The following PCED1B variants were observed in gnomAD, a reference collection of about 807,000 sequenced individuals.
The protein encoded by PCED1B is PC-esterase domain containing 1B, also known as PC-esterase domain-containing protein 1B.
For missense variants in PCED1B, 573 were observed against 573.9 expected (o/e 1.00, Z 0.02); for synonymous variants, 251 against 246.1 (o/e 1.02, Z -0.19).
intron 2 of PCED1B, among the ~76,000 whole-genome samples, chr12:47,148,346 G>T (rs555208588): frequency 1.3e-5 from 2 of 152,266 alleles, no homozygotes; most frequent in Admixed American, 1.3e-4. Context: ...ATCAAATTAT[G>T]ACACTCAGAA....
At chr12:47,084,451 A>G (rs1937886437) in intron 1 of PCED1B, among the ~76,000 whole-genome samples, 1 of 152,240 alleles carries the variant, frequency 6.6e-6, no homozygotes, top group Non-Finnish European at 1.5e-5. Flanking sequence ...TCCTATGCCC[A>G]TTAAGCAGTT....
At chr12:47,176,516 A>C (rs1941928866) in intron 2 of PCED1B, among the ~76,000 whole-genome samples, 1 of 152,226 alleles carries the variant, frequency 6.6e-6, no homozygotes, top group South Asian at 2.1e-4. Context: ...GGAGGGTGGC[A>C]TGACCACGCC....
At chr12:47,196,948 T>C (rs945022777) in intron 2 of PCED1B, among the ~76,000 whole-genome samples, 14 of 151,776 alleles carry the variant, frequency 9.2e-5, no homozygotes, top group Non-Finnish European at 1.9e-4. Context: ...AAAGTGTTAA[T>C]ACACTTAATA....
intron 2 of PCED1B, among the ~76,000 whole-genome samples, chr12:47,110,402 CAATT>C (rs1420198022): frequency 2.0e-5 from 3 of 152,120 alleles, no homozygotes; most frequent in Admixed American, 6.5e-5. Context: ...TTCAGCCAAT[CAATT>C]AATTATGAAT....
chr12:47,093,247 A>G (rs1235575785), intron 1 of PCED1B, among the ~76,000 whole-genome samples: 5 of 151,928 alleles, frequency 3.3e-5, no homozygotes, highest in Non-Finnish European at 5.9e-5. Flanking sequence ...TATTTCATCC[A>G]AATTGTCAAA....
At chr12:47,161,408 C>A (rs1411650930) in intron 2 of PCED1B, among the ~76,000 whole-genome samples, 1 of 152,120 alleles carries the variant, frequency 6.6e-6, no homozygotes, top group Non-Finnish European at 1.5e-5. Context: ...TTTCTGGGCT[C>A]TCTCTTTTAT....
At chr12:47,124,588 C>T (rs760890462) in intron 2 of PCED1B, among the ~76,000 whole-genome samples, 3 of 150,606 alleles carry the variant, frequency 2.0e-5, no homozygotes, top group African/African-American at 4.9e-5. Context: ...AAGATAAGTA[C>T]GAGTGGAATG....
At chr12:47,112,194 C>T (rs1212182894) in intron 2 of PCED1B, among the ~76,000 whole-genome samples, 4 of 152,202 alleles carry the variant, frequency 2.6e-5, no homozygotes, top group African/African-American at 9.6e-5. Context: ...GCCAATACTG[C>T]ACCAAGCACA....
At chr12:47,116,485 A>G (rs1939427258) in intron 2 of PCED1B, among the ~76,000 whole-genome samples, 1 of 152,216 alleles carries the variant, frequency 6.6e-6, no homozygotes, top group Non-Finnish European at 1.5e-5. Flanking sequence ...CACAAAATTG[A>G]ACATTTTATT....
intron 2 of PCED1B, among the ~76,000 whole-genome samples, chr12:47,106,414 G>A (rs542088988): frequency 4.6e-5 from 7 of 152,152 alleles, no homozygotes; most frequent in East Asian, 1.9e-4. Flanking sequence ...CTAGGGGTGC[G>A]AGTTGCGTAA....
intron 2 of PCED1B, among the ~76,000 whole-genome samples, chr12:47,215,399 G>A (rs1943224764): frequency 6.6e-6 from 1 of 151,804 alleles, no homozygotes; most frequent in African/African-American, 2.4e-5. Context: ...GATTACAGGG[G>A]CCCACCACCA....
At chr12:47,135,079 A>G (rs1416858419) in intron 2 of PCED1B, among the ~76,000 whole-genome samples, 1 of 152,112 alleles carries the variant, frequency 6.6e-6, no homozygotes, top group Non-Finnish European at 1.5e-5. Context: ...TATTTCACCA[A>G]TCTCTACTGA....
intron 2 of PCED1B, among the ~76,000 whole-genome samples, chr12:47,127,659 C>T (rs892639939): frequency 5.3e-5 from 8 of 151,986 alleles, no homozygotes; most frequent in Admixed American, 2.0e-4. Context: ...CCACCACACC[C>T]GGCCTCTGCT....
chr12:47,220,153 T>G (rs2137827688), intron 3 of PCED1B, among the ~76,000 whole-genome samples: 1 of 152,134 alleles, frequency 6.6e-6, no homozygotes, highest in East Asian at 1.9e-4. Context: ...CTGGGCAACC[T>G]TAGGCAATTT....
chr12:47,106,490 C>G lies in PCED1B; in HGVS notation c.-526+2295C>G, dbSNP rs75515199. On this transcript the variant is annotated intron_variant, in intron 2 of 3. Transcript: ENST00000546455. Reference sequence around the variant, plus strand: ...TAGGAGTTCCCCAGCTCCCTCGGAACAGCCCTCTGACCTGGTGCTCAGGAT... The same window carrying G: ...TAGGAGTTCCCCAGCTCCCTCGGAAGAGCCCTCTGACCTGGTGCTCAGGAT... 6.0e-3 allele frequency among the ~76,000 whole-genome samples: 915 copies of G among 152,284 alleles called. 7 individuals are homozygous for G. Among genetic ancestry groups the G allele is most frequent in the African/African-American group, 0.02 (846 of 41,554 alleles).
chr12:47,115,697 T>C (rs1054154859), intron 2 of PCED1B, among the ~76,000 whole-genome samples: 1 of 152,242 alleles, frequency 6.6e-6, no homozygotes, highest in African/African-American at 2.4e-5. Context: ...GTTCACCTAA[T>C]GTACAACCAT....
intron 2 of PCED1B, among the ~76,000 whole-genome samples, chr12:47,131,097 T>C (rs1940106187): frequency 6.6e-6 from 1 of 152,216 alleles, no homozygotes; most frequent in Non-Finnish European, 1.5e-5. Context: ...TTTGAGTTAC[T>C]TTTATAATTG....
chr12:47,113,246 G>A (rs577373343), intron 2 of PCED1B, among the ~76,000 whole-genome samples: 7 of 152,220 alleles, frequency 4.6e-5, no homozygotes, highest in South Asian at 2.1e-4. Flanking sequence ...TATCAGAGAC[G>A]GCTATGGAAA....
At chr12:47,119,097 G>A (rs1223556131) in intron 2 of PCED1B, among the ~76,000 whole-genome samples, 9 of 152,110 alleles carry the variant, frequency 5.9e-5, no homozygotes, top group Admixed American at 5.9e-4. Flanking sequence ...CCTATAGCCA[G>A]CTGATTTTCA....
Sources: allele counts gnomAD v4.1 joint callset (sites outside exome capture counted in the v4.1 genomes callset), GRCh38; gene constraint gnomAD v4.1.1; transcripts MANE v1.5; gene names NCBI Gene and HGNC (gene_info 2026-07-23, HGNC 2026-07-21).